PNPLA8: variants seen among roughly 807,000 people sequenced by gnomAD.
PNPLA8 encodes patatin like domain 8, phospholipase A2.
A neutral mutation model predicts 76.9 loss-of-function variants in PNPLA8; 39 were observed. The observed-to-expected ratio is 0.51, with a 90% CI of 0.39 to 0.66. The LOEUF (loss-of-function observed/expected upper bound fraction) is 0.66, where lower values mean the gene tolerates loss of function less well. PNPLA8 is among the 30% of genes least tolerant of loss of function. The pLI is 0.00. For synonymous variants in PNPLA8, 301 were observed against 307.9 expected, an observed-to-expected ratio of 0.98 and a Z score of 0.24; for missense variants, 887 against 918.0, an observed-to-expected ratio of 0.97 and a Z score of 0.44.
Position 108,514,153 on chromosome 7 carries a change from C to T in PNPLA8, c.1197G>A (p.Val399=). ...HLLEFPEGKG[V]AVKERIIPYL... ...ATAAATTAGAAATTACCTTGACAGCCACTCCTTTTCCTTCAGGAAATTCTA... is the reference window on the plus strand; with the variant it reads ...ATAAATTAGAAATTACCTTGACAGCTACTCCTTTTCCTTCAGGAAATTCTA... Residue 399 remains valine, a synonymous_variant, in exon 4 of 11, where the codon GTG becomes GTA. Transcript: ENST00000257694. The T allele has an allele frequency of 1.3e-6, 2 of 1,597,532 alleles. No individual in the cohort carries two copies. The highest frequency in any genetic ancestry group is 1.7e-6 in the Non-Finnish European group (2 of 1,169,736).
intron 7 of PNPLA8, 105 bp downstream of exon 7, chr7:108,496,479 A>G: frequency 1.5e-6 from 1 of 651,996 alleles, no homozygotes; most frequent in African/African-American, 1.9e-5. Context: ...TATTTTTCAA[A>G]TTATAATATG....
In PNPLA8 at chr7:108,472,571, GC is replaced by G; in HGVS notation, c.2178del (p.Lys726AsnfsTer10). ...AACCCTTCCAACTGCAGCTGATCCAGCTTTTCATTTCGACTTTCATCTAGAG... is the reference window on the plus strand; with the variant it reads ...AACCCTTCCAACTGCAGCTGATCCAGTTTTCATTTCGACTTTCATCTAGAG... ...NIPLDESRNEKLDQLQLEGLK... is the reference protein window; with the variant it reads ...NIPLDESRNEXLDQLQLEGLK... On this transcript the variant is annotated frameshift_variant, in exon 11 of 11. Coordinates refer to ENST00000257694, the MANE Select transcript of PNPLA8 (RefSeq NM_001256007.3). LOFTEE classifies it high-confidence loss of function. 6.2e-7 allele frequency: 1 copy of G among 1,613,014 alleles called. No homozygotes were observed. Among genetic ancestry groups the G allele is most frequent in the Non-Finnish European group, 8.5e-7 (1 of 1,179,652 alleles).
intron 9 of PNPLA8, among the ~76,000 whole-genome samples, chr7:108,482,657 G>A (rs1236088132): frequency 6.6e-6 from 1 of 152,058 alleles, no homozygotes; most frequent in Non-Finnish European, 1.5e-5. Context: ...ATAATGGTAT[G>A]CCTTTCCATT....
intron 4 of PNPLA8, among the ~76,000 whole-genome samples, chr7:108,509,951 C>G (rs1862769951): frequency 7.1e-6 from 1 of 140,816 alleles, no homozygotes; most frequent in Admixed American, 7.3e-5. Flanking sequence ...ACCGCATATT[C>G]TCACTCATAG....
chr7:108,526,996 A>G (rs937278936), upstream of PNPLA8, among the ~76,000 whole-genome samples: 1 of 152,228 alleles, frequency 6.6e-6, no homozygotes, highest in Non-Finnish European at 1.5e-5. Context: ...GCTGTTAATT[A>G]AAGCTTTTAT....
intron 9 of PNPLA8, chr7:108,480,794 C>T (rs953535688): frequency 5.8e-6 from 2 of 343,946 alleles, no homozygotes; most frequent in Non-Finnish European, 1.2e-5. Flanking sequence ...GCTCTATGAA[C>T]TTTAATGCAT....
rs1357615714 is a variant in PNPLA8 at position 108,505,325 on chromosome 7, T to C, written c.1207-2683A>G. Among the ~76,000 whole-genome samples, 90 of 9,194 alleles carry C rather than the reference T, an allele frequency of 9.8e-3. 10 individuals are homozygous for C. The highest frequency in any genetic ancestry group is 0.031 in the African/African-American group (81 of 2,636). The allele number at this position is 9,194 out of a possible 152,430, so 6.0% of individuals were successfully genotyped here. ...TTATATATATATATATATATATATATATATATATATATATATATATATATA... is the reference window on the plus strand; with the variant it reads ...TTATATATATATATATATATATATACATATATATATATATATATATATATA... On this transcript the variant is annotated intron_variant, in intron 4 of 10. Transcript: ENST00000257694.
At position 108,472,400 on chromosome 7, in the gene PNPLA8, A is replaced by G. The variant is rs1859681126; in HGVS notation, c.*1T>C. 3 of 1,554,028 alleles carry G rather than the reference A, an allele frequency of 1.9e-6. No homozygotes were observed. The highest frequency in any genetic ancestry group is 3.8e-5 in the Admixed American group (2 of 52,566). The stretch of plus-strand genomic sequence containing the variant: ...TTTATGAGAACATAAGCATATACTC[A>G]TCACAATTTTGAAAAGAATGGAAGT... On this transcript the variant is annotated 3_prime_UTR_variant, in exon 11 of 11. Transcript: ENST00000257694.
At chr7:108,505,390 G>T (rs1220777407) in intron 4 of PNPLA8, among the ~76,000 whole-genome samples, 1 of 102,368 alleles carries the variant, frequency 9.8e-6, no homozygotes, top group Non-Finnish European at 1.8e-5. Context: ...TTGAGACGGA[G>T]TCTCACTCTG....
intron 4 of PNPLA8, among the ~76,000 whole-genome samples, chr7:108,509,145 G>A (rs1450094555): frequency 9.7e-6 from 1 of 103,238 alleles, no homozygotes; most frequent in East Asian, 2.1e-4. Context: ...AACACCAAAA[G>A]CAATGGCAAC....
chr7:108,522,314 A>AC (rs1491181739), intron 1 of PNPLA8, among the ~76,000 whole-genome samples: 14 of 132,284 alleles, frequency 1.1e-4, no homozygotes, highest in Admixed American at 9.3e-4. Context: ...ACAAAAAAAG[A>AC]AAAAAAAAAA....
Position 108,526,045 on chromosome 7 carries a change from G to A in PNPLA8, c.-146C>T, listed in dbSNP as rs1864057387. ...GCTACTTACCGGGATGCAGGCCGCA[G>A]TCACTAGGGCTGCAGCGGCGACTCG... is the stretch of plus-strand genomic sequence containing the variant. On this transcript the variant is annotated 5_prime_UTR_variant, in exon 1 of 11. Coordinates refer to ENST00000257694, the MANE Select transcript of PNPLA8 (RefSeq NM_001256007.3). 1.0e-6 allele frequency: 1 copy of A among 985,698 alleles called. No individual in the cohort carries two copies. Among genetic ancestry groups the A allele is most frequent in the Non-Finnish European group, 1.2e-6 (1 of 830,044 alleles). The allele number at this position is 985,698 out of a possible 1,614,324, so 61.1% of individuals were successfully genotyped here.
In PNPLA8 at chr7:108,472,567, T is replaced by C; in HGVS notation, c.2183A>G (p.Asp728Gly). 1 of 1,613,260 alleles carries C rather than the reference T, an allele frequency of 6.2e-7. No individual in the cohort carries two copies. Among genetic ancestry groups the C allele is most frequent in the South Asian group, 1.1e-5 (1 of 90,742 alleles). Reference protein sequence around the residue: ...PLDESRNEKLDQLQLEGLKYI... With the variant: ...PLDESRNEKLGQLQLEGLKYI... ...TTTCAACCCTTCCAACTGCAGCTGA[T>C]CCAGCTTTTCATTTCGACTTTCATC... Residue 728 changes from aspartate to glycine, a missense_variant, in exon 11 of 11, where the codon GAT (aspartate) becomes GGT (glycine). By Grantham distance (94) the Asp-to-Gly change is moderately conservative. Coordinates refer to ENST00000257694, the MANE Select transcript of PNPLA8 (RefSeq NM_001256007.3).
At chr7:108,497,159 G>A (rs1010917954) in intron 6 of PNPLA8, among the ~76,000 whole-genome samples, 1 of 151,980 alleles carries the variant, frequency 6.6e-6, no homozygotes, top group Non-Finnish European at 1.5e-5. Flanking sequence ...CACAGAATAT[G>A]GTATATTTGA....
intron 10 of PNPLA8, 50 bp downstream of exon 10, chr7:108,479,134 T>G (rs1169425932): frequency 7.4e-7 from 1 of 1,349,640 alleles, no homozygotes; most frequent in Non-Finnish European, 1.0e-6. Context: ...ACCAAAAAAC[T>G]GCTAGAATGC....
At chr7:108,484,286 C>G (rs1439924713) in intron 9 of PNPLA8, among the ~76,000 whole-genome samples, 3 of 152,174 alleles carry the variant, frequency 2.0e-5, no homozygotes, top group Non-Finnish European at 4.4e-5. Context: ...ATCTTTTAAG[C>G]TCTGCTTATA....
At chr7:108,490,261 T>G (rs1414819809) in intron 8 of PNPLA8, among the ~76,000 whole-genome samples, 2 of 152,156 alleles carry the variant, frequency 1.3e-5, no homozygotes, top group Non-Finnish European at 2.9e-5. Context: ...CATCTAAGTA[T>G]GTCTAAGTAC....
intron 2 of PNPLA8, among the ~76,000 whole-genome samples, chr7:108,519,898 A>G (rs1292116422): frequency 6.6e-6 from 1 of 152,172 alleles, no homozygotes; most frequent in Non-Finnish European, 1.5e-5. Flanking sequence ...CACTTTCACA[A>G]GATAAAGTCT....
At position 108,514,620 on chromosome 7, in the gene PNPLA8, A is replaced by G. The variant is rs1021126105; in HGVS notation, c.872T>C (p.Leu291Pro). ...VSTKQSIANF[L>P]SRPTEGVQAL... ...TTGTACACCTTCCGTGGGACGAGAA[A>G]GAAAGTTAGCAATACTTTGTTTAGT... is the stretch of plus-strand genomic sequence containing the variant. The change falls in exon 3 of 11, where the codon CTT becomes CCT. Residue 291 changes from leucine (L) to proline (P), a missense_variant. Physicochemically the swap from Leu to Pro is moderately conservative, Grantham distance 98. Coordinates refer to ENST00000257694, the MANE Select transcript of PNPLA8 (RefSeq NM_001256007.3). 1.4e-5 allele frequency: 22 copies of G among 1,614,102 alleles called. No individual in the cohort carries two copies. The highest frequency in any genetic ancestry group is 3.3e-5 in the Admixed American group (2 of 60,014).
Sources: gnomAD v4.1 joint callset for allele counts (sites outside exome capture counted in the v4.1 genomes callset) on GRCh38, gnomAD v4.1.1 for gene constraint, MANE v1.5 for transcripts, NCBI Gene and HGNC (gene_info 2026-07-23, HGNC 2026-07-21) for gene names.